PPA2: variants seen among roughly 807,000 people sequenced by gnomAD.
PPA2 encodes inorganic pyrophosphatase 2.
A neutral mutation model predicts 49.5 loss-of-function variants in PPA2; 48 were observed. That is an observed-to-expected ratio of 0.97 (90% CI 0.77 to 1.23). The LOEUF (loss-of-function observed/expected upper bound fraction) is 1.23. PPA2 is among the 50% of genes most tolerant of loss of function. The pLI, the probability that PPA2 is intolerant of heterozygous loss-of-function variation, is 0.00. For synonymous variants in PPA2, 131 were observed against 139.9 expected (o/e 0.94, Z 0.45); for missense variants, 429 against 410.1 (o/e 1.05, Z -0.40).
chr4:105,394,800 C>A (rs1231274302), intron 9 of PPA2, among the ~76,000 whole-genome samples: 1 of 152,098 alleles, frequency 6.6e-6, no homozygotes, highest in Non-Finnish European at 1.5e-5. Context: ...ACACTCAAGT[C>A]TCATCAAAGA....
At chr4:105,388,829 A>G (rs1733786481) in intron 9 of PPA2, among the ~76,000 whole-genome samples, 1 of 117,296 alleles carries the variant, frequency 8.5e-6, no homozygotes, top group Admixed American at 9.4e-5. Context: ...CGTCTCCAAA[A>G]AAAAAAGAAA....
At chr4:105,452,863 G>T (rs76943902) in intron 3 of PPA2, among the ~76,000 whole-genome samples, 8,078 of 151,928 alleles carry the variant, frequency 0.053, 334 homozygotes, top group African/African-American at 0.11. Flanking sequence ...TATTTGTTTA[G>T]ATATATTTAG....
chr4:105,473,742 G>T (rs1438183183), intron 1 of PPA2, 152 bp downstream of exon 1: 2 of 1,147,066 alleles, frequency 1.7e-6, no homozygotes, highest in Non-Finnish European at 2.6e-6. Flanking sequence ...GCGCTCCCGC[G>T]GGAAGTAAGG....
At chr4:105,466,919 A>G (rs1723328549) in intron 1 of PPA2, among the ~76,000 whole-genome samples, 1 of 152,180 alleles carries the variant, frequency 6.6e-6, no homozygotes, top group Admixed American at 6.5e-5. Flanking sequence ...AGGAGGTCAC[A>G]TACCAAACTC....
intron 5 of PPA2, 191 bp downstream of exon 5, chr4:105,446,192 T>C (rs1316285229): frequency 6.8e-6 from 3 of 444,300 alleles, no homozygotes; most frequent in African/African-American, 4.1e-5. Context: ...AACTTGAGTA[T>C]AGACATATAT....
chr4:105,393,537 A>C (rs1268100549), intron 9 of PPA2, among the ~76,000 whole-genome samples: 1 of 128,268 alleles, frequency 7.8e-6, no homozygotes, highest in Admixed American at 8.1e-5. Context: ...TAATAATAAT[A>C]ATATGGTTCT....
intron 9 of PPA2, among the ~76,000 whole-genome samples, chr4:105,395,270 C>T (rs2726528): frequency 0.27 from 40,239 of 151,082 alleles, 6,165 homozygotes; most frequent in Non-Finnish European, 0.34. Flanking sequence ...TTCTTTACTC[C>T]ATCTGATTAC....
intron 1 of PPA2, among the ~76,000 whole-genome samples, chr4:105,466,182 CT>C (rs886744368): frequency 1.3e-4 from 19 of 151,966 alleles, no homozygotes; most frequent in Admixed American, 5.2e-4. Context: ...CCAACTCTTC[CT>C]TTTTTTTATA....
At chr4:105,460,015 A>C (rs989265743) in intron 1 of PPA2, among the ~76,000 whole-genome samples, 2 of 152,242 alleles carry the variant, frequency 1.3e-5, no homozygotes, top group African/African-American at 4.8e-5. Flanking sequence ...CAAAACTCAG[A>C]AGTGTCCACA....
chr4:105,393,621 T>C (rs991661021), intron 9 of PPA2, among the ~76,000 whole-genome samples: 1 of 151,390 alleles, frequency 6.6e-6, no homozygotes, highest in Admixed American at 6.6e-5. Context: ...TTCCTAAAGA[T>C]ACTAATACAC....
intron 7 of PPA2, among the ~76,000 whole-genome samples, chr4:105,410,848 A>G (rs1229807219): frequency 6.6e-6 from 1 of 152,364 alleles, no homozygotes; most frequent in East Asian, 1.9e-4. Flanking sequence ...AAAATCCTTT[A>G]CAGACAAGCA....
intron 1 of PPA2, among the ~76,000 whole-genome samples, chr4:105,466,520 A>T (rs1723307636): frequency 6.6e-6 from 1 of 152,204 alleles, no homozygotes; most frequent in Admixed American, 6.5e-5. Flanking sequence ...GCTCTGCAAC[A>T]ATCTCAATTC....
intron 1 of PPA2, among the ~76,000 whole-genome samples, chr4:105,465,328 G>C (rs958385962): frequency 6.6e-6 from 1 of 152,118 alleles, no homozygotes; most frequent in Non-Finnish European, 1.5e-5. Context: ...ACGTCTATAA[G>C]TTATTCCAAT....
intron 1 of PPA2, among the ~76,000 whole-genome samples, chr4:105,464,364 G>C (rs1578888871): frequency 6.6e-6 from 1 of 152,332 alleles, no homozygotes; most frequent in South Asian, 2.1e-4. Context: ...TTGTATCTAA[G>C]AAGTAACTAA....
intron 1 of PPA2, among the ~76,000 whole-genome samples, chr4:105,459,319 T>C (rs1314385125): frequency 1.3e-5 from 2 of 152,226 alleles, no homozygotes; most frequent in Non-Finnish European, 2.9e-5. Flanking sequence ...TCAAATTCTC[T>C]GCCCGATTTT....
At chr4:105,448,944 C>G (rs1030746293) in intron 4 of PPA2, among the ~76,000 whole-genome samples, 8 of 126,260 alleles carry the variant, frequency 6.3e-5, no homozygotes, top group Non-Finnish European at 1.1e-4. Context: ...ATTGGCCGGG[C>G]GCGGTGGCTC....
At chr4:105,459,187 A>G (rs1722986761) in intron 1 of PPA2, among the ~76,000 whole-genome samples, 6 of 152,214 alleles carry the variant, frequency 3.9e-5, no homozygotes, top group Admixed American at 3.9e-4. Context: ...CGTAAGGATA[A>G]AAATGAGAAA....
At chr4:105,420,101 T>G (rs1474746953) in intron 7 of PPA2, among the ~76,000 whole-genome samples, 1 of 152,136 alleles carries the variant, frequency 6.6e-6, no homozygotes. Flanking sequence ...GCCTCCCATA[T>G]AGCTGGGATT....
intron 9 of PPA2, among the ~76,000 whole-genome samples, chr4:105,394,473 T>C (rs1295173972): frequency 6.6e-6 from 1 of 151,982 alleles, no homozygotes; most frequent in Non-Finnish European, 1.5e-5. Flanking sequence ...TAAATCTTTA[T>C]GTGGACTCAA....
Sources: allele counts gnomAD v4.1 joint callset (sites outside exome capture counted in the v4.1 genomes callset), GRCh38; gene constraint gnomAD v4.1.1; transcripts MANE v1.5; gene names NCBI Gene and HGNC (gene_info 2026-07-23, HGNC 2026-07-21).